The following NCAM2 variants were observed in gnomAD, a reference collection of about 807,000 sequenced individuals.
The protein encoded by NCAM2 is N-CAM-2.
In NCAM2, 30 loss-of-function variants were observed where a neutral mutation model predicts 98.1. That is an observed-to-expected ratio of 0.31 (90% confidence interval 0.23 to 0.41). NCAM2 has a LOEUF of 0.41. Among genes scored for constraint, NCAM2 ranks in the 10% least tolerant of loss-of-function variants. NCAM2 has a pLI of 1.00. For missense variants in NCAM2, 867 were observed against 1,005.8 expected (o/e 0.86, Z 1.87); for synonymous variants, 368 against 342.4 (o/e 1.07, Z -0.83).
At chr21:21,326,556 G>T (rs1032815320) in intron 6 of NCAM2, among the ~76,000 whole-genome samples, 1 of 151,904 alleles carries the variant, frequency 6.6e-6, no homozygotes, top group Non-Finnish European at 1.5e-5. Flanking sequence ...TTTCTGCAGA[G>T]ATTTTTTTTT....
At chr21:21,482,769 T>G (rs1180054731) in intron 15 of NCAM2, among the ~76,000 whole-genome samples, 1 of 60,190 alleles carries the variant, frequency 1.7e-5, no homozygotes, top group African/African-American at 9.5e-5. Context: ...TTGTAATTAA[T>G]ATTTTTCATT....
At chr21:21,218,356 C>A (rs1259334388) in intron 1 of NCAM2, among the ~76,000 whole-genome samples, 1 of 152,028 alleles carries the variant, frequency 6.6e-6, no homozygotes, top group Non-Finnish European at 1.5e-5. Flanking sequence ...TCAGAAAGCT[C>A]TGTTGGTGTT....
intron 8 of NCAM2, among the ~76,000 whole-genome samples, chr21:21,371,550 T>C (rs1255119283): frequency 1.3e-5 from 2 of 151,756 alleles, no homozygotes; most frequent in Non-Finnish European, 2.9e-5. Context: ...GTATTCTTGC[T>C]TCTCTCATAT....
intron 8 of NCAM2, among the ~76,000 whole-genome samples, chr21:21,362,734 T>G (rs2075680278): frequency 6.6e-6 from 1 of 152,216 alleles, no homozygotes; most frequent in Admixed American, 6.6e-5. Flanking sequence ...AGTTTCTAAT[T>G]ATTTTTTGTA....
intron 1 of NCAM2, among the ~76,000 whole-genome samples, chr21:21,137,575 A>G (rs550385606): frequency 3.2e-3 from 493 of 152,312 alleles, no homozygotes; most frequent in Non-Finnish European, 5.6e-3. Context: ...GGTGACCAAC[A>G]TGGAGAAACC....
intron 1 of NCAM2, among the ~76,000 whole-genome samples, chr21:21,215,583 C>A (rs2069861119): frequency 6.6e-6 from 1 of 151,992 alleles, no homozygotes; most frequent in South Asian, 2.1e-4. Flanking sequence ...ACAAAATTAG[C>A]CGGGCGTGGT....
In NCAM2 at chr21:21,180,496, A is replaced by G. The variant is rs1025764205; in HGVS notation, c.56-100082A>G. 2.5e-4 allele frequency among the ~76,000 whole-genome samples: 38 copies of G among 152,122 alleles called. 1 individual carries two copies. The highest frequency in any genetic ancestry group is 7.4e-5 in the Non-Finnish European group (5 of 68,016). On this transcript the variant is annotated intron_variant, in intron 1 of 17. Transcript: ENST00000400546. ...CAATTTGTTGAGTTTGTGAGATGAG[A>G]TTATAGTCAAATAGGTAAATCTACC... is the stretch of plus-strand genomic sequence containing the variant.
At chr21:21,294,711 G>A (rs938639163) in intron 5 of NCAM2, among the ~76,000 whole-genome samples, 1 of 151,762 alleles carries the variant, frequency 6.6e-6, no homozygotes, top group Non-Finnish European at 1.5e-5. Context: ...GCCATCAGAC[G>A]CCTGTGCTTT....
At chr21:21,071,508 C>G (rs1014200941) in intron 1 of NCAM2, among the ~76,000 whole-genome samples, 1 of 152,076 alleles carries the variant, frequency 6.6e-6, no homozygotes, top group Non-Finnish European at 1.5e-5. Flanking sequence ...GAGAAGATAA[C>G]ACTTGATATT....
intron 1 of NCAM2, among the ~76,000 whole-genome samples, chr21:21,114,708 C>A (rs1408103146): frequency 6.6e-6 from 1 of 152,208 alleles, no homozygotes; most frequent in Non-Finnish European, 1.5e-5. Flanking sequence ...AACAGAATAA[C>A]AGACCAAACA....
intron 8 of NCAM2, among the ~76,000 whole-genome samples, chr21:21,362,392 C>CTTT (rs35130794): frequency 6.8e-6 from 1 of 147,246 alleles, no homozygotes; most frequent in Non-Finnish European, 1.5e-5. Context: ...TCATATTCTA[C>CTTT]TTTTTTTTTT....
chr21:21,189,862 A>G (rs1187913997), intron 1 of NCAM2, among the ~76,000 whole-genome samples: 1 of 152,194 alleles, frequency 6.6e-6, no homozygotes, highest in Non-Finnish European at 1.5e-5. Context: ...TCAGCCTTTA[A>G]CTAGTCTACA....
At chr21:21,033,188 A>T (rs530811853) in intron 1 of NCAM2, among the ~76,000 whole-genome samples, 1 of 152,160 alleles carries the variant, frequency 6.6e-6, no homozygotes, top group African/African-American at 2.4e-5. Context: ...AGCTGAGGTG[A>T]TCCACCCACC....
chr21:21,386,888 G>A (rs1030236516), intron 9 of NCAM2, among the ~76,000 whole-genome samples: 17 of 152,070 alleles, frequency 1.1e-4, no homozygotes, highest in African/African-American at 2.9e-4. Context: ...GCCTGTTGGC[G>A]TCTGTTTAAC....
chr21:21,047,093 G>A (rs7279652), intron 1 of NCAM2, among the ~76,000 whole-genome samples: 152,240 of 152,240 alleles, frequency 1, 76,120 homozygotes, highest in Non-Finnish European at 1. Context: ...TGTTGTGTAC[G>A]AGTTAGAGAA....
At chr21:21,123,251 C>T (rs1003835302) in intron 1 of NCAM2, among the ~76,000 whole-genome samples, 2 of 151,726 alleles carry the variant, frequency 1.3e-5, no homozygotes, top group South Asian at 2.1e-4. Flanking sequence ...AAAAATCAGC[C>T]GGGCGTGGTG....
At chr21:21,338,582 G>C (rs1300295298) in intron 8 of NCAM2, 48 bp downstream of exon 8, 6 of 1,474,540 alleles carry the variant, frequency 4.1e-6, no homozygotes, top group Non-Finnish European at 5.4e-6. Context: ...TGCAATTTCA[G>C]TATTTTCAAT....
At chr21:21,526,598 T>C (rs1989335556) in intron 16 of NCAM2, among the ~76,000 whole-genome samples, 1 of 152,038 alleles carries the variant, frequency 6.6e-6, no homozygotes, top group Non-Finnish European at 1.5e-5. Flanking sequence ...AAATCACAAG[T>C]CATTATATGA....
intron 1 of NCAM2, among the ~76,000 whole-genome samples, chr21:21,099,286 C>T (rs977967636): frequency 6.6e-6 from 1 of 151,876 alleles, no homozygotes; most frequent in Non-Finnish European, 1.5e-5. Flanking sequence ...TCACCTGGCT[C>T]AGGCAAGCTA....
Sources: gnomAD v4.1 joint callset for allele counts (sites outside exome capture counted in the v4.1 genomes callset) on GRCh38, gnomAD v4.1.1 for gene constraint, MANE v1.5 for transcripts, NCBI Gene and HGNC (gene_info 2026-07-23, HGNC 2026-07-21) for gene names.